DAB1: variants seen among roughly 807,000 people sequenced by gnomAD.
DAB1 encodes the protein DAB adaptor protein 1.
Under a neutral mutation model 64.6 loss-of-function variants are expected in DAB1, and 15 were observed. That is an observed-to-expected ratio of 0.23 (90% CI 0.16 to 0.36). DAB1 has a LOEUF of 0.36. Among genes scored for constraint, DAB1 ranks in the 10% least tolerant of loss-of-function variants. DAB1 has a pLI of 1.00. For missense variants in DAB1, 596 were observed against 706.7 expected (o/e 0.84, Z 1.78); for synonymous variants, 235 against 251.9 (o/e 0.93, Z 0.64).
At chr1:57,769,107 T>C (rs1046459208) in intron 6 of DAB1, among the ~76,000 whole-genome samples, 3 of 152,160 alleles carry the variant, frequency 2.0e-5, no homozygotes, top group African/African-American at 4.8e-5. Flanking sequence ...CTCTTGCTCA[T>C]AGCAGAGGGC....
chr1:58,125,952 G>A (rs1653049027), intron 5 of DAB1, among the ~76,000 whole-genome samples: 1 of 152,116 alleles, frequency 6.6e-6, no homozygotes, highest in South Asian at 2.1e-4. Flanking sequence ...CAGGCCCCAG[G>A]AGGAAGGAGA....
intron 1 of DAB1, among the ~76,000 whole-genome samples, chr1:57,392,333 C>T (rs1340278951): frequency 2.0e-5 from 3 of 152,218 alleles, no homozygotes; most frequent in Non-Finnish European, 4.4e-5. Flanking sequence ...GATCGTGCCA[C>T]TGCACTTCAG....
intron 5 of DAB1, among the ~76,000 whole-genome samples, chr1:57,977,689 C>A (rs994414147): frequency 1.1e-4 from 13 of 115,468 alleles, no homozygotes; most frequent in Admixed American, 1.1e-3. Flanking sequence ...TCTCACCATA[C>A]AATGCCTTTG....
At chr1:58,362,323 C>T (rs971808149) in intron 3 of DAB1, among the ~76,000 whole-genome samples, 9 of 152,146 alleles carry the variant, frequency 5.9e-5, no homozygotes, top group African/African-American at 1.9e-4. Context: ...CAAGGTTGGT[C>T]CCTCCTAGTG....
intron 1 of DAB1, among the ~76,000 whole-genome samples, chr1:57,374,324 G>A (rs1217091342): frequency 6.6e-6 from 1 of 152,050 alleles, no homozygotes; most frequent in East Asian, 1.9e-4. Context: ...ATAAAATTTT[G>A]TAATTTCAAT....
rs186412570 is a variant in DAB1, at chr1:57,594,998, C to T, written n.625+54594G>A. ...GTGCTGGGATTACAGGCGTGAGCCACCACACCTGGCCGGAAAAATCACAAT... is the reference window on the plus strand; with the variant it reads ...GTGCTGGGATTACAGGCGTGAGCCATCACACCTGGCCGGAAAAATCACAAT... On this transcript the variant is annotated intron_variant and non_coding_transcript_variant, in intron 7 of 20. Transcript: ENST00000485760. 5.1e-3 allele frequency among the ~76,000 whole-genome samples: 777 copies of T among 152,252 alleles called. 12 individuals carry two copies. Among genetic ancestry groups the T allele is most frequent in the African/African-American group, 0.018 (737 of 41,540 alleles).
At chr1:57,951,872 C>A (rs1419548282) in intron 5 of DAB1, among the ~76,000 whole-genome samples, 1 of 152,084 alleles carries the variant, frequency 6.6e-6, no homozygotes, top group African/African-American at 2.4e-5. Context: ...AATACGGAGA[C>A]CCATCTTAAG....
intron 9 of DAB1, among the ~76,000 whole-genome samples, chr1:57,042,233 A>C (rs1484066461): frequency 6.6e-6 from 1 of 152,216 alleles, no homozygotes. Flanking sequence ...AGGATATCTG[A>C]AAGAGCGTTA....
chr1:58,137,238 C>T (rs933905310), intron 5 of DAB1, among the ~76,000 whole-genome samples: 3 of 152,126 alleles, frequency 2.0e-5, no homozygotes, highest in African/African-American at 7.2e-5. Flanking sequence ...TATCTAAGTC[C>T]GTTGTTTTAC....
chr1:58,046,825 G>C (rs1484032016), intron 5 of DAB1, among the ~76,000 whole-genome samples: 2 of 152,168 alleles, frequency 1.3e-5, no homozygotes, highest in African/African-American at 4.8e-5. Flanking sequence ...GGGATAGAGG[G>C]ATGGGAGCTC....
chr1:58,073,134 C>A (rs1326629129), intron 5 of DAB1, among the ~76,000 whole-genome samples: 1 of 152,090 alleles, frequency 6.6e-6, no homozygotes, highest in Non-Finnish European at 1.5e-5. Flanking sequence ...GCATGTGATC[C>A]CAGGCATTCT....
intron 6 of DAB1, among the ~76,000 whole-genome samples, chr1:57,657,460 G>C (rs548798510): frequency 3.3e-5 from 5 of 152,180 alleles, no homozygotes; most frequent in African/African-American, 1.2e-4. Context: ...ATTGCAGGGT[G>C]TCACTGACCC....
intron 5 of DAB1, among the ~76,000 whole-genome samples, chr1:57,975,513 G>A (rs1352258013): frequency 6.6e-6 from 1 of 152,200 alleles, no homozygotes; most frequent in East Asian, 1.9e-4. Flanking sequence ...GTAATAAAAA[G>A]GGAATGGTAC....
At chr1:58,075,638 C>T (rs1296282124) in intron 5 of DAB1, among the ~76,000 whole-genome samples, 3 of 152,142 alleles carry the variant, frequency 2.0e-5, no homozygotes, top group Admixed American at 6.5e-5. Context: ...CTGATTGATT[C>T]AAAAGGATTT....
At chr1:57,430,809 T>G (rs957411868) in intron 7 of DAB1, among the ~76,000 whole-genome samples, 4 of 152,058 alleles carry the variant, frequency 2.6e-5, no homozygotes, top group Non-Finnish European at 5.9e-5. Flanking sequence ...TATAATCAAA[T>G]TCTATATTTT....
At chr1:57,716,481 T>A (rs1441106374) in intron 6 of DAB1, among the ~76,000 whole-genome samples, 1 of 152,134 alleles carries the variant, frequency 6.6e-6, no homozygotes, top group Middle Eastern at 3.2e-3. Flanking sequence ...AAAATACACA[T>A]TGGGGAAAGG....
chr1:58,311,689 C>T (rs552167270), intron 4 of DAB1, among the ~76,000 whole-genome samples: 2 of 152,206 alleles, frequency 1.3e-5, no homozygotes, highest in South Asian at 2.1e-4. Context: ...TCCTCTTCTC[C>T]TTCCATGGGT....
intron 5 of DAB1, among the ~76,000 whole-genome samples, chr1:58,079,629 C>A (rs1028739911): frequency 1.7e-4 from 23 of 138,894 alleles, no homozygotes; most frequent in African/African-American, 5.9e-4. Context: ...TCAAGCAATT[C>A]TCTGCCTCAG....
chr1:58,369,301 T>C (rs1450522235), intron 3 of DAB1, among the ~76,000 whole-genome samples: 3 of 152,154 alleles, frequency 2.0e-5, no homozygotes, highest in Non-Finnish European at 4.4e-5. Context: ...GCCGTTTCCT[T>C]CTGGGGAAAA....
Sources: gnomAD v4.1 joint callset for allele counts (sites outside exome capture counted in the v4.1 genomes callset) on GRCh38, gnomAD v4.1.1 for gene constraint, MANE v1.5 for transcripts, NCBI Gene and HGNC (gene_info 2026-07-23, HGNC 2026-07-21) for gene names.